Variants in DMRT1 observed in about 807,000 individuals in gnomAD.
DMRT1 encodes doublesex and mab-3 related transcription factor 1, also known as doublesex- and mab-3-related transcription factor 1.
DMRT1 carries 7 observed loss-of-function variants against 32.3 expected under a neutral mutation model. The observed-to-expected ratio is 0.22, with a 90% confidence interval of 0.12 to 0.41. The LOEUF (loss-of-function observed/expected upper bound fraction) is 0.41, where lower values mean the gene tolerates loss of function less well. Among genes scored for constraint, DMRT1 ranks in the 10% least tolerant of loss-of-function variants. The pLI is 1.00. For missense variants in DMRT1, 625 were observed against 500.5 expected (o/e 1.25, Z -2.37); for synonymous variants, 278 against 206.1 (o/e 1.35, Z -2.99).
chr9:858,740 G>T (rs957936157), intron 2 of DMRT1, among the ~76,000 whole-genome samples: 4 of 151,672 alleles, frequency 2.6e-5, no homozygotes, highest in Non-Finnish European at 5.9e-5. Context: ...TAGACATGGT[G>T]GTGGGTGCCA....
intron 4 of DMRT1, among the ~76,000 whole-genome samples, chr9:926,687 TAGAGAGAGAG>T (rs57146042): frequency 7.2e-5 from 2 of 27,588 alleles, no homozygotes; most frequent in Non-Finnish European, 2.0e-4. Context: ...AAGACACAGG[TAGAGAGAGAG>T]AGAGAGAGAG....
intron 4 of DMRT1, among the ~76,000 whole-genome samples, chr9:923,419 C>G (rs1409940950): frequency 6.6e-6 from 1 of 152,076 alleles, no homozygotes; most frequent in Non-Finnish European, 1.5e-5. Context: ...CCCTGAGAGC[C>G]TCGATTTCCT....
At chr9:865,004 G>T (rs913212051) in intron 2 of DMRT1, among the ~76,000 whole-genome samples, 1 of 152,166 alleles carries the variant, frequency 6.6e-6, no homozygotes, top group African/African-American at 2.4e-5. Flanking sequence ...GGTTTCTAGA[G>T]GCTAATCTTA....
chr9:895,171 A>G (rs79980824), intron 3 of DMRT1, among the ~76,000 whole-genome samples: 4,738 of 152,300 alleles, frequency 0.031, 100 homozygotes, highest in Non-Finnish European at 0.043. Flanking sequence ...TTTGGAGTAA[A>G]ACAAAGCATT....
chr9:898,477 C>T (rs951801937), intron 3 of DMRT1, among the ~76,000 whole-genome samples: 10 of 152,270 alleles, frequency 6.6e-5, no homozygotes, highest in East Asian at 1.9e-4. Flanking sequence ...TTCCTCACTT[C>T]GCTTTTTCTG....
chr9:866,804 G>A (rs1816012809), intron 2 of DMRT1, among the ~76,000 whole-genome samples: 1 of 152,170 alleles, frequency 6.6e-6, no homozygotes, highest in Non-Finnish European at 1.5e-5. Flanking sequence ...TGAGGGTGGT[G>A]TTCATTTTCC....
intron 2 of DMRT1, among the ~76,000 whole-genome samples, chr9:853,541 C>T (rs138037297): frequency 2.2e-5 from 3 of 135,548 alleles, no homozygotes; most frequent in Non-Finnish European, 1.6e-5. Context: ...GGTGTGATCT[C>T]GGCTCACTGC....
At chr9:864,711 AG>A (rs1467723574) in intron 2 of DMRT1, among the ~76,000 whole-genome samples, 1 of 150,284 alleles carries the variant, frequency 6.7e-6, no homozygotes, top group Non-Finnish European at 1.5e-5. Context: ...CATGTTAGCC[AG>A]GATGGTCTCC....
chr9:914,559 G>GA (rs1818108003), intron 3 of DMRT1, among the ~76,000 whole-genome samples: 1 of 130,578 alleles, frequency 7.7e-6, no homozygotes, highest in Non-Finnish European at 1.6e-5. Context: ...GGGCGACAGA[G>GA]TGGGACTCTG....
At chr9:873,584 G>T (rs1021842362) in intron 2 of DMRT1, among the ~76,000 whole-genome samples, 6 of 152,070 alleles carry the variant, frequency 3.9e-5, no homozygotes, top group African/African-American at 1.4e-4. Flanking sequence ...CTCCCAAAAT[G>T]TTGGGATTAC....
chr9:957,035 G>C (rs1819623230), intron 4 of DMRT1, among the ~76,000 whole-genome samples: 1 of 152,222 alleles, frequency 6.6e-6, no homozygotes, highest in Non-Finnish European at 1.5e-5. Context: ...CTTGGGGTAT[G>C]AATGATCCTG....
intron 3 of DMRT1, among the ~76,000 whole-genome samples, chr9:901,817 C>A (rs1411918642): frequency 1.3e-5 from 2 of 151,842 alleles, no homozygotes; most frequent in African/African-American, 2.4e-5. Flanking sequence ...TGGCCGGGAG[C>A]CCTTCACAGT....
intron 2 of DMRT1, among the ~76,000 whole-genome samples, chr9:866,083 G>C (rs901212525): frequency 1.5e-5 from 2 of 134,330 alleles, no homozygotes; most frequent in Non-Finnish European, 3.1e-5. Context: ...AGAATCGCTT[G>C]AACCCAAGAG....
chr9:866,487 T>C (rs538563445), intron 2 of DMRT1, among the ~76,000 whole-genome samples: 41 of 151,130 alleles, frequency 2.7e-4, no homozygotes, highest in African/African-American at 9.5e-4. Context: ...GGGATAGTAT[T>C]TTAAAGTGTT....
intron 4 of DMRT1, among the ~76,000 whole-genome samples, chr9:934,657 T>C (rs1367238906): frequency 6.6e-6 from 1 of 152,248 alleles, no homozygotes; most frequent in East Asian, 1.9e-4. Context: ...CATTTTGAGT[T>C]AATTTTTGTA....
intron 4 of DMRT1, among the ~76,000 whole-genome samples, chr9:942,677 TC>T (rs1478761233): frequency 6.6e-6 from 1 of 152,232 alleles, no homozygotes; most frequent in African/African-American, 2.4e-5. Flanking sequence ...TTATTGCTTT[TC>T]TTTTTGTTTA....
chr9:867,669 C>T (rs537972366), intron 2 of DMRT1, among the ~76,000 whole-genome samples: 12 of 152,294 alleles, frequency 7.9e-5, no homozygotes, highest in African/African-American at 2.9e-4. Context: ...GGGTCTGTGA[C>T]CCACAGCCCA....
chr9:942,419 G>A (rs984713384), intron 4 of DMRT1, among the ~76,000 whole-genome samples: 6 of 152,024 alleles, frequency 3.9e-5, no homozygotes, highest in African/African-American at 7.3e-5. Context: ...GACTACAGGC[G>A]CGTGCCACCA....
chr9:842,385 C>G (rs746172391), intron 1 of DMRT1, 193 bp downstream of exon 1: 10 of 686,930 alleles, frequency 1.5e-5, no homozygotes, highest in Non-Finnish European at 2.1e-5. Context: ...CAGGCGCACA[C>G]CACCATGCCC....
Sources: allele counts gnomAD v4.1 joint callset (sites outside exome capture counted in the v4.1 genomes callset), GRCh38; gene constraint gnomAD v4.1.1; transcripts MANE v1.5; gene names NCBI Gene and HGNC (gene_info 2026-07-23, HGNC 2026-07-21).